The following FHIT variants were observed in gnomAD, a reference collection of about 807,000 sequenced individuals.
The protein encoded by FHIT is fragile histidine triad diadenosine triphosphatase, also known as bis(5'-adenosyl)-triphosphatase.
In FHIT, 19 loss-of-function variants were observed where a neutral mutation model predicts 17.9. That is an observed-to-expected ratio of 1.06 (90% CI 0.74 to 1.56). FHIT has a LOEUF of 1.56. Among genes scored for constraint, FHIT ranks in the 40% most tolerant of loss-of-function variants. The pLI is 0.00. For synonymous variants in FHIT, 81 were observed against 69.7 expected, an observed-to-expected ratio of 1.16 and a Z score of -0.81; for missense variants, 248 against 189.2, an observed-to-expected ratio of 1.31 and a Z score of -1.82.
At chr3:60,614,753 G>A (rs1295540915) in intron 4 of FHIT, among the ~76,000 whole-genome samples, 3 of 151,298 alleles carry the variant, frequency 2.0e-5, no homozygotes, top group African/African-American at 7.3e-5. Context: ...TCGTAACAGG[G>A]TGCCTGGTAG....
chr3:59,861,280 G>A lies in FHIT; in HGVS notation c.348+61066C>T, dbSNP rs939701665. ...TGATGAGGGTGAGGAAGATTGAGAC[G>A]TCAGTTATACTGATTGGGAGGCTGT... is the stretch of plus-strand genomic sequence containing the variant. On this transcript the variant is annotated intron_variant, in intron 8 of 9. Transcript: ENST00000492590. 2.0e-5 allele frequency among the ~76,000 whole-genome samples: 3 copies of A among 152,266 alleles called. 1 individual carries two copies. The highest frequency in any genetic ancestry group is 6.8e-3 in the Middle Eastern group (2 of 294).
chr3:60,559,565 CACTTT>C (rs1462263696), intron 4 of FHIT, among the ~76,000 whole-genome samples: 1 of 152,174 alleles, frequency 6.6e-6, no homozygotes, highest in Non-Finnish European at 1.5e-5. Flanking sequence ...TGCTCTCTCT[CACTTT>C]AGAGGACAAT....
chr3:60,258,576 AG>A (rs1256700593), intron 5 of FHIT, among the ~76,000 whole-genome samples: 2 of 58,386 alleles, frequency 3.4e-5, no homozygotes, highest in Non-Finnish European at 1.5e-4. Context: ...ATAGTAGTAT[AG>A]GGGAAAAATA....
chr3:60,474,908 C>T (rs1357686536), intron 5 of FHIT, among the ~76,000 whole-genome samples: 2 of 152,112 alleles, frequency 1.3e-5, no homozygotes, highest in Admixed American at 1.3e-4. Flanking sequence ...CAGGCGTGAG[C>T]CACCGCACCT....
intron 4 of FHIT, among the ~76,000 whole-genome samples, chr3:60,590,717 C>T (rs1467477466): frequency 6.6e-6 from 1 of 152,060 alleles, no homozygotes; most frequent in African/African-American, 2.4e-5. Flanking sequence ...TAATTCAACG[C>T]ATATTTACTC....
intron 3 of FHIT, among the ~76,000 whole-genome samples, chr3:60,912,340 G>A (rs1553766123): frequency 2.0e-5 from 3 of 152,118 alleles, no homozygotes; most frequent in African/African-American, 7.2e-5. Context: ...ATGAATCCTG[G>A]CTTACTCATT....
At chr3:60,086,155 G>A (rs1384917606) in intron 5 of FHIT, among the ~76,000 whole-genome samples, 1 of 152,040 alleles carries the variant, frequency 6.6e-6, no homozygotes, top group African/African-American at 2.4e-5. Flanking sequence ...AGAGTAAAAG[G>A]GTGGGGGGAT....
intron 4 of FHIT, among the ~76,000 whole-genome samples, chr3:60,624,972 A>T (rs2039244967): frequency 6.6e-6 from 1 of 152,034 alleles, no homozygotes; most frequent in Non-Finnish European, 1.5e-5. Flanking sequence ...ACAATGGCAC[A>T]ATCTCAGCTC....
intron 4 of FHIT, among the ~76,000 whole-genome samples, chr3:60,600,206 C>G (rs1258227365): frequency 6.6e-6 from 1 of 152,098 alleles, no homozygotes; most frequent in South Asian, 2.1e-4. Context: ...ATGATCAGCT[C>G]TTCTCTGGGA....
intron 5 of FHIT, among the ~76,000 whole-genome samples, chr3:60,192,141 CTCAGGAGGCGGAGGCAAGAGAA>C (rs1702427442): frequency 1.3e-5 from 2 of 151,520 alleles, no homozygotes; most frequent in South Asian, 4.2e-4. Context: ...ATCCCAGCTA[CTCAGGAGGCGGAGGCAAGAGAA>C]TCGCTCGAGC....
At chr3:61,190,377 T>G (rs1272977663) in intron 2 of FHIT, among the ~76,000 whole-genome samples, 1 of 152,034 alleles carries the variant, frequency 6.6e-6, no homozygotes, top group Non-Finnish European at 1.5e-5. Context: ...AAAACCACAA[T>G]GAGATACCAT....
At chr3:61,217,599 G>A (rs544164581) in intron 1 of FHIT, among the ~76,000 whole-genome samples, 56 of 152,230 alleles carry the variant, frequency 3.7e-4, no homozygotes, top group African/African-American at 1.3e-3. Context: ...CCCCCACCCA[G>A]ACTAAAAGAA....
At chr3:60,537,502 T>C (rs955775212) in intron 4 of FHIT, 2 of 972,616 alleles carry the variant, frequency 2.1e-6, no homozygotes, top group African/African-American at 3.5e-5. Context: ...AGAGAACTAT[T>C]CTAGTAAAAT....
chr3:60,378,783 C>T (rs1700683824), intron 5 of FHIT, among the ~76,000 whole-genome samples: 1 of 152,166 alleles, frequency 6.6e-6, no homozygotes, highest in Non-Finnish European at 1.5e-5. Flanking sequence ...CTGGCCATGC[C>T]AGGGATGCAG....
intron 2 of FHIT, among the ~76,000 whole-genome samples, chr3:61,046,238 G>A (rs910733974): frequency 6.6e-6 from 1 of 152,036 alleles, no homozygotes; most frequent in African/African-American, 2.4e-5. Context: ...TTGATAGACT[G>A]CTAGCAAGAC....
chr3:60,928,909 C>T lies in FHIT; in HGVS notation c.-110-106898G>A, dbSNP rs187081748. On this transcript the variant is annotated intron_variant, in intron 3 of 9. Coordinates refer to ENST00000492590, the MANE Select transcript of FHIT (RefSeq NM_002012.4). ...ATACCAAAGCCTGGCAGAGACACAA[C>T]AAAAAAAGACAATTTTAGACCAATA... Among the ~76,000 whole-genome samples, 59 of 152,058 alleles carry T rather than the reference C, an allele frequency of 3.9e-4. 1 individual carries two copies. The highest frequency in any genetic ancestry group is 1.0e-3 in the Admixed American group (16 of 15,278).
intron 3 of FHIT, among the ~76,000 whole-genome samples, chr3:60,905,964 T>G (rs868962453): frequency 1.3e-5 from 2 of 152,154 alleles, no homozygotes; most frequent in African/African-American, 2.4e-5. Context: ...ACTTGAACCA[T>G]GTAAAGTTTT....
intron 8 of FHIT, among the ~76,000 whole-genome samples, chr3:59,902,791 G>C (rs1335899778): frequency 1.3e-5 from 2 of 152,150 alleles, no homozygotes; most frequent in Non-Finnish European, 2.9e-5. Flanking sequence ...CAAGGGCCAG[G>C]CATGGGGGAA....
intron 7 of FHIT, among the ~76,000 whole-genome samples, chr3:59,977,069 T>A (rs562909199): frequency 6.6e-6 from 1 of 152,060 alleles, no homozygotes; most frequent in Non-Finnish European, 1.5e-5. Flanking sequence ...CTTTTATCCA[T>A]AGAGCTTGGA....
Sources: gnomAD v4.1 joint callset for allele counts (sites outside exome capture counted in the v4.1 genomes callset) on GRCh38, gnomAD v4.1.1 for gene constraint, MANE v1.5 for transcripts, NCBI Gene and HGNC (gene_info 2026-07-23, HGNC 2026-07-21) for gene names.